Variants in PCDH9 observed in about 807,000 individuals in gnomAD.
The protein encoded by PCDH9 is protocadherin 9.
A neutral mutation model predicts 70.6 loss-of-function variants in PCDH9; 24 were observed. The observed-to-expected ratio is 0.34, with a 90% CI of 0.25 to 0.48. The LOEUF is 0.48. Among genes scored for constraint, PCDH9 ranks in the 20% least tolerant of loss-of-function variants. The pLI, the probability that PCDH9 is intolerant of heterozygous loss-of-function variation, is 0.99. For synonymous variants in PCDH9, 562 were observed against 558.5 expected, an observed-to-expected ratio of 1.01 and a Z score of -0.09; for missense variants, 1,281 against 1,503.6, an observed-to-expected ratio of 0.85 and a Z score of 2.45.
intron 4 of PCDH9, among the ~76,000 whole-genome samples, chr13:66,455,557 G>C (rs1336065787): frequency 6.6e-6 from 1 of 151,936 alleles, no homozygotes; most frequent in African/African-American, 2.4e-5. Flanking sequence ...ATAATAAATG[G>C]ATAAAATTCT....
At chr13:66,529,505 G>A (rs1751795731) in intron 4 of PCDH9, among the ~76,000 whole-genome samples, 1 of 152,056 alleles carries the variant, frequency 6.6e-6, no homozygotes, top group African/African-American at 2.4e-5. Flanking sequence ...TATCGGTAGA[G>A]TCATATTTGT....
rs80288497 is a variant in PCDH9, at chr13:67,007,543, T to A, written c.3037-103938A>T. ...TCTTCTGCATCAGTTATTTGTGGCATAATTGAAAACATTATGGGAGCATGG... is the reference window on the plus strand; with the variant it reads ...TCTTCTGCATCAGTTATTTGTGGCAAAATTGAAAACATTATGGGAGCATGG... On this transcript the variant is annotated intron_variant, in intron 2 of 4. Coordinates refer to ENST00000377865, the MANE Select transcript of PCDH9 (RefSeq NM_203487.3). Among the ~76,000 whole-genome samples, 139 of 152,316 alleles carry A rather than the reference T, an allele frequency of 9.1e-4. 2 individuals are homozygous for A. In the East Asian group the frequency reaches 0.021, roughly 23 times the overall value.
At chr13:66,619,786 AT>A (rs1191074830) in intron 4 of PCDH9, among the ~76,000 whole-genome samples, 1 of 151,960 alleles carries the variant, frequency 6.6e-6, no homozygotes, top group African/African-American at 2.4e-5. Flanking sequence ...CTTTCAAATA[AT>A]TTTCTGGCTG....
chr13:66,562,964 A>G (rs1428380241), intron 4 of PCDH9, among the ~76,000 whole-genome samples: 1 of 152,138 alleles, frequency 6.6e-6, no homozygotes, highest in Non-Finnish European at 1.5e-5. Context: ...TATATAGTAT[A>G]TATAGTAATA....
intron 3 of PCDH9, among the ~76,000 whole-genome samples, chr13:66,734,718 A>G (rs2079122277): frequency 6.6e-6 from 1 of 152,224 alleles, no homozygotes; most frequent in Non-Finnish European, 1.5e-5. Context: ...TTCATGTAGC[A>G]CTAACTATAG....
chr13:66,802,005 T>C (rs2080334544), intron 3 of PCDH9, among the ~76,000 whole-genome samples: 2 of 41,142 alleles, frequency 4.9e-5, no homozygotes, highest in Non-Finnish European at 1.6e-4. Flanking sequence ...TCTGTTTGTT[T>C]GTTTGTTTGT....
intron 4 of PCDH9, among the ~76,000 whole-genome samples, chr13:66,312,978 A>G (rs1355023632): frequency 6.6e-6 from 1 of 152,194 alleles, no homozygotes; most frequent in Non-Finnish European, 1.5e-5. Context: ...AGATATTGCT[A>G]TTTGAACAGA....
At chr13:66,778,005 C>T (rs2079926980) in intron 3 of PCDH9, among the ~76,000 whole-genome samples, 2 of 151,774 alleles carry the variant, frequency 1.3e-5, no homozygotes, top group Admixed American at 6.6e-5. Flanking sequence ...AATTGGAAAT[C>T]ATCATTCTCA....
intron 4 of PCDH9, among the ~76,000 whole-genome samples, chr13:66,316,662 A>G (rs1405150087): frequency 6.6e-6 from 1 of 152,152 alleles, no homozygotes; most frequent in Non-Finnish European, 1.5e-5. Context: ...AATTCTTCAT[A>G]GAGGCATTTC....
At chr13:67,187,489 G>A (rs1331648371) in intron 2 of PCDH9, among the ~76,000 whole-genome samples, 2 of 152,008 alleles carry the variant, frequency 1.3e-5, no homozygotes, top group Non-Finnish European at 2.9e-5. Context: ...ATCTTTAAAT[G>A]GTACAGCTAC....
At position 66,344,394 on chromosome 13, in the gene PCDH9, G is replaced by A. The variant is rs181361078; in HGVS notation, c.3341-39366C>T. Among the ~76,000 whole-genome samples, 8 of 152,214 alleles carry A rather than the reference G, an allele frequency of 5.3e-5. No individual in the cohort carries two copies. In the East Asian group the frequency reaches 1.5e-3, roughly 29 times the overall value. On this transcript the variant is annotated intron_variant, in intron 4 of 4. Coordinates refer to ENST00000377865, the MANE Select transcript of PCDH9 (RefSeq NM_203487.3). ...ACCCATCTCTGCCTCCCAAAGTGCT[G>A]GGATTACAGGCATAAGCTACCATGC...
At chr13:67,223,835 C>T (rs955974261) in intron 2 of PCDH9, 1 of 152,016 alleles carries the variant, frequency 6.6e-6, no homozygotes, top group Non-Finnish European at 1.5e-5. Flanking sequence ...ACTTTTAAAA[C>T]GCTCTACTGT....
intron 4 of PCDH9, among the ~76,000 whole-genome samples, chr13:66,453,670 T>C (rs1958261024): frequency 6.6e-6 from 1 of 152,110 alleles, no homozygotes; most frequent in Non-Finnish European, 1.5e-5. Context: ...ATTTTGGGGG[T>C]TCACAGCAGC....
intron 3 of PCDH9, among the ~76,000 whole-genome samples, chr13:66,740,583 T>C (rs1423276710): frequency 6.7e-6 from 1 of 148,456 alleles, no homozygotes; most frequent in African/African-American, 2.4e-5. Context: ...CCAAAAGTGA[T>C]AGGCCGCTAG....
At chr13:66,838,141 T>G (rs904552455) in intron 3 of PCDH9, among the ~76,000 whole-genome samples, 4 of 152,140 alleles carry the variant, frequency 2.6e-5, no homozygotes, top group African/African-American at 9.7e-5. Flanking sequence ...ATATATTTCA[T>G]TCTATAATAT....
chr13:66,780,414 C>A (rs1208855827), intron 3 of PCDH9, among the ~76,000 whole-genome samples: 1 of 152,124 alleles, frequency 6.6e-6, no homozygotes, highest in Non-Finnish European at 1.5e-5. Context: ...ACACAAGCAA[C>A]CCAGGTGCAA....
At chr13:66,602,976 C>T (rs1202556912) in intron 4 of PCDH9, among the ~76,000 whole-genome samples, 1 of 145,788 alleles carries the variant, frequency 6.9e-6, no homozygotes, top group East Asian at 1.9e-4. Flanking sequence ...GAGCAATAGG[C>T]TATACCTTGT....
intron 2 of PCDH9, among the ~76,000 whole-genome samples, chr13:67,086,643 T>C (rs1352891956): frequency 1.1e-4 from 17 of 152,160 alleles, no homozygotes. Flanking sequence ...CTACTGTTGT[T>C]CAAGAGACTA....
chr13:67,088,365 T>C (rs1443938911), intron 2 of PCDH9, among the ~76,000 whole-genome samples: 1 of 152,026 alleles, frequency 6.6e-6, no homozygotes, highest in African/African-American at 2.4e-5. Context: ...CTCACCAAAT[T>C]TTATCAAGCA....
Sources: allele counts gnomAD v4.1 joint callset (sites outside exome capture counted in the v4.1 genomes callset), GRCh38; gene constraint gnomAD v4.1.1; transcripts MANE v1.5; gene names NCBI Gene and HGNC (gene_info 2026-07-23, HGNC 2026-07-21).